Variants in PXYLP1 observed in about 807,000 individuals in gnomAD.
PXYLP1 encodes 2-phosphoxylose phosphatase 1, also known as acid phosphatase-like 2.
PXYLP1 carries 17 observed loss-of-function variants against 37.9 expected under a neutral mutation model. That is an observed-to-expected ratio of 0.45 (90% CI 0.31 to 0.67). The LOEUF (loss-of-function observed/expected upper bound fraction) is 0.67. Ranked by LOEUF, PXYLP1 falls within the 30% of genes least tolerant of loss-of-function variation. The pLI is 0.07. For synonymous variants in PXYLP1, 221 were observed against 232.2 expected, an observed-to-expected ratio of 0.95 and a Z score of 0.44; for missense variants, 511 against 612.0, an observed-to-expected ratio of 0.84 and a Z score of 1.74.
At chr3:141,284,757 G>T (rs527474258) in intron 4 of PXYLP1, among the ~76,000 whole-genome samples, 3 of 152,104 alleles carry the variant, frequency 2.0e-5, no homozygotes, top group African/African-American at 7.2e-5. Flanking sequence ...TTCTTATTGG[G>T]TTTTTTCCAA....
chr3:141,255,630 C>T (rs758890588), intron 1 of PXYLP1, among the ~76,000 whole-genome samples: 5 of 152,224 alleles, frequency 3.3e-5, no homozygotes, highest in Non-Finnish European at 7.3e-5. Context: ...CCTGGCATAG[C>T]TTGTATGAGT....
At chr3:141,276,349 A>G (rs1941795446) in intron 2 of PXYLP1, among the ~76,000 whole-genome samples, 1 of 151,892 alleles carries the variant, frequency 6.6e-6, no homozygotes, top group African/African-American at 2.4e-5. Context: ...CCTTCTAGAC[A>G]TTTTTTCTAT....
At chr3:141,290,042 C>T (rs994251653) in intron 5 of PXYLP1, among the ~76,000 whole-genome samples, 4 of 152,180 alleles carry the variant, frequency 2.6e-5, no homozygotes, top group African/African-American at 9.7e-5. Context: ...ATTTTTATTT[C>T]TATTTTAAAT....
intron 1 of PXYLP1, among the ~76,000 whole-genome samples, chr3:141,248,912 G>C (rs1397819450): frequency 2.0e-5 from 3 of 151,582 alleles, no homozygotes; most frequent in Non-Finnish European, 4.4e-5. Context: ...GTGTGTGTGT[G>C]TGTGTGTGTT....
chr3:141,261,404 T>C (rs1941392419), intron 2 of PXYLP1, among the ~76,000 whole-genome samples: 1 of 152,190 alleles, frequency 6.6e-6, no homozygotes, highest in Non-Finnish European at 1.5e-5. Flanking sequence ...AGTGAGAACA[T>C]AGGTGTTACA....
intron 1 of PXYLP1, chr3:141,234,108 T>G (rs1940601463): frequency 6.6e-6 from 1 of 152,116 alleles, no homozygotes; most frequent in Non-Finnish European, 1.5e-5. Flanking sequence ...CAATGTTTTC[T>G]ACACTTTGCT....
At chr3:141,271,293 C>A (rs1941656659) in intron 2 of PXYLP1, among the ~76,000 whole-genome samples, 1 of 152,182 alleles carries the variant, frequency 6.6e-6, no homozygotes, top group African/African-American at 2.4e-5. Context: ...TTGCAGCCCC[C>A]AGCCCCAGGC....
intron 1 of PXYLP1, among the ~76,000 whole-genome samples, chr3:141,243,636 C>T (rs1041572586): frequency 2.6e-5 from 4 of 152,344 alleles, no homozygotes; most frequent in Admixed American, 6.5e-5. Context: ...AGTCCCCCAC[C>T]CCTCGGGTGC....
At chr3:141,237,786 G>A (rs190710272) in intron 1 of PXYLP1, among the ~76,000 whole-genome samples, 140 of 152,332 alleles carry the variant, frequency 9.2e-4, no homozygotes, top group African/African-American at 3.3e-3. Context: ...TGGCGGTGCA[G>A]ATCGATTTCC....
At chr3:141,284,634 G>A (rs1309196116) in intron 4 of PXYLP1, among the ~76,000 whole-genome samples, 4 of 152,122 alleles carry the variant, frequency 2.6e-5, no homozygotes, top group Non-Finnish European at 5.9e-5. Flanking sequence ...CAGAACCTGC[G>A]CACATTCTCC....
chr3:141,259,800 G>T (rs2148751230), intron 1 of PXYLP1, among the ~76,000 whole-genome samples: 1 of 152,356 alleles, frequency 6.6e-6, no homozygotes, highest in South Asian at 2.1e-4. Flanking sequence ...CCAGCACATT[G>T]TAAATACCCA....
intron 2 of PXYLP1, among the ~76,000 whole-genome samples, chr3:141,277,175 ATATT>A (rs1438026326): frequency 1.3e-5 from 2 of 152,178 alleles, no homozygotes; most frequent in African/African-American, 4.8e-5. Flanking sequence ...GAAGTTTTAA[ATATT>A]TATGTAGAAG....
chr3:141,254,711 GTTTTTT>G (rs577412917), intron 1 of PXYLP1, among the ~76,000 whole-genome samples: 1 of 146,808 alleles, frequency 6.8e-6, no homozygotes, highest in Non-Finnish European at 1.5e-5. Context: ...GACTTGAAGG[GTTTTTT>G]TTTTTAATTG....
At chr3:141,280,572 C>T (rs1451718771) in intron 4 of PXYLP1, among the ~76,000 whole-genome samples, 1 of 152,156 alleles carries the variant, frequency 6.6e-6, no homozygotes, top group African/African-American at 2.4e-5. Context: ...TACTTAATGT[C>T]ATTTAATTAA....
intron 1 of PXYLP1, chr3:141,258,315 C>T (rs1190543789): frequency 6.6e-6 from 1 of 152,284 alleles, no homozygotes; most frequent in East Asian, 1.9e-4. Context: ...ACGTGTAGTA[C>T]TGAGCTTCGG....
chr3:141,232,157 A>C, intron 1 of PXYLP1, among the ~76,000 whole-genome samples: 1 of 149,430 alleles, frequency 6.7e-6, no homozygotes, highest in East Asian at 2.0e-4. Context: ...CTTTCCTGCC[A>C]CTCCCCCCGT....
intron 2 of PXYLP1, among the ~76,000 whole-genome samples, chr3:141,263,280 A>T (rs1417654042): frequency 6.6e-6 from 1 of 152,240 alleles, no homozygotes; most frequent in Non-Finnish European, 1.5e-5. Context: ...AGATTAAGAT[A>T]CTGTTCACAG....
chr3:141,264,007 C>T (rs764417747), intron 2 of PXYLP1, among the ~76,000 whole-genome samples: 52 of 151,440 alleles, frequency 3.4e-4, no homozygotes, highest in Non-Finnish European at 6.3e-4. Context: ...TGAAATAGAT[C>T]ACGCATGCAT....
At position 141,293,377 on chromosome 3, in the gene PXYLP1, G is replaced by A. The variant is rs1258989646; in HGVS notation, c.*172G>A. On this transcript the variant is annotated 3_prime_UTR_variant, in exon 6 of 6. Transcript: ENST00000286353. ...TGAACAGTAAGCACATTGCTGCAAT[G>A]TGGTACGTGAATTGCTTGGTACAAA... 3.0e-6 allele frequency: 2 copies of A among 672,008 alleles called. No homozygotes were observed. Among genetic ancestry groups the A allele is most frequent in the African/African-American group, 1.8e-5 (1 of 55,114 alleles). The allele number at this position is 672,008 out of a possible 1,614,324, so 41.6% of individuals were successfully genotyped here. A position where few individuals can be genotyped will look rare whatever the true frequency, so the allele number is the denominator to read the frequency against.
Sources: gnomAD v4.1 joint callset for allele counts (sites outside exome capture counted in the v4.1 genomes callset) on GRCh38, gnomAD v4.1.1 for gene constraint, MANE v1.5 for transcripts, NCBI Gene and HGNC (gene_info 2026-07-23, HGNC 2026-07-21) for gene names.